The following SH2D2A variants were observed in gnomAD, a reference collection of about 807,000 sequenced individuals.
SH2D2A encodes the protein SH2 domain-containing protein 2A.
A neutral mutation model predicts 43.6 loss-of-function variants in SH2D2A; 33 were observed. That is an observed-to-expected ratio of 0.76 (90% CI 0.57 to 1.01). The LOEUF is 1.01. SH2D2A is among the 50% of genes least tolerant of loss of function. The pLI, the probability that SH2D2A is intolerant of heterozygous loss-of-function variation, is 0.00. For synonymous variants in SH2D2A, 212 were observed against 206.1 expected, an observed-to-expected ratio of 1.03 and a Z score of -0.25; for missense variants, 491 against 503.1, an observed-to-expected ratio of 0.98 and a Z score of 0.23.
At chr1:156,816,601 A>T in intron 1 of SH2D2A, 74 bp downstream of exon 1, 1 of 1,497,116 alleles carries the variant, frequency 6.7e-7, no homozygotes, top group African/African-American at 1.4e-5. Context: ...TGGGAGCTCA[A>T]GCCCAGGAGG....
Position 156,807,241 on chromosome 1 carries a change from A to G in SH2D2A, c.1107T>C (p.Asn369=). 7 of 1,158,164 alleles carry G rather than the reference A, an allele frequency of 6.0e-6. No individual in the cohort carries two copies. Among genetic ancestry groups the G allele is most frequent in the Non-Finnish European group, 8.1e-6 (7 of 859,552 alleles). The allele number at this position is 1,158,164 out of a possible 1,614,324, so 71.7% of individuals were successfully genotyped here. ...TGTCCTGAAGCACCTGTCTAGAAAG[A>G]TTGTGGGGGAGGGTGTGTCTCCAGG... ...PPAWRHTLPH[N]LSRQVLQDRG... The change falls in exon 8 of 9, where the codon AAT becomes AAC. Residue 369 remains asparagine (N), a synonymous_variant. Coordinates refer to ENST00000368199, the MANE Select transcript of SH2D2A (RefSeq NM_003975.4). The surrounding 1 kb of genome is among the most constrained non-coding windows in gnomAD (Gnocchi z 5.1).
In SH2D2A at chr1:156,807,695, G is replaced by C. The variant is rs1653068822; in HGVS notation, c.1003-350C>G. 6.6e-6 allele frequency among the ~76,000 whole-genome samples: 1 copy of C among 152,260 alleles called. No individual in the cohort carries two copies. The highest frequency in any genetic ancestry group is 1.5e-5 in the Non-Finnish European group (1 of 68,050). On this transcript the variant is annotated intron_variant, in intron 7 of 8. Coordinates refer to ENST00000368199, the MANE Select transcript of SH2D2A (RefSeq NM_003975.4). This position sits in a 1 kb window ranked among gnomAD's most constrained non-coding sequence, Gnocchi z 5.1. ...AGGGGGTGGCCTCTGAGAAGGGAAAGCTGGTCTTGAAGGATGATTAGAAAG... is the reference window on the plus strand; with the variant it reads ...AGGGGGTGGCCTCTGAGAAGGGAAACCTGGTCTTGAAGGATGATTAGAAAG...
intron 5 of SH2D2A, among the ~76,000 whole-genome samples, chr1:156,813,391 G>A (rs1653559770): frequency 6.6e-6 from 1 of 152,164 alleles, no homozygotes; most frequent in Admixed American, 6.5e-5. Flanking sequence ...AGCATTCGAG[G>A]CCTTAGGGAT....
intron 5 of SH2D2A, among the ~76,000 whole-genome samples, chr1:156,811,341 C>T (rs889916547): frequency 2.0e-5 from 3 of 152,200 alleles, no homozygotes; most frequent in African/African-American, 4.8e-5. Context: ...CTCCAGTCTT[C>T]GAGCAGAGCA....
intron 3 of SH2D2A, chr1:156,814,505 A>T: frequency 5.6e-6 from 5 of 891,770 alleles, no homozygotes; most frequent in Non-Finnish European, 8.2e-6. Context: ...GGTCCCATTC[A>T]GGAGACCCCC....
chr1:156,808,357 C>T (rs981064520), intron 7 of SH2D2A, among the ~76,000 whole-genome samples: 3 of 152,004 alleles, frequency 2.0e-5, no homozygotes, highest in Non-Finnish European at 2.9e-5. Flanking sequence ...CGCTGTTGGC[C>T]GTGTTGAGTT....
Position 156,807,777 on chromosome 1 carries a change from C to T in SH2D2A, c.1003-432G>A, listed in dbSNP as rs939470706. Among the ~76,000 whole-genome samples the T allele has an allele frequency of 7.9e-5, 12 of 152,090 alleles. No homozygotes were observed. Among genetic ancestry groups the T allele is most frequent in the African/African-American group, 1.9e-4 (8 of 41,402 alleles). ...AAGTTGCTATAGGCAGAGATACTGGCGGGTGCAAACCCCAGGAGGCTTGAA... is the reference window on the plus strand; with the variant it reads ...AAGTTGCTATAGGCAGAGATACTGGTGGGTGCAAACCCCAGGAGGCTTGAA... On this transcript the variant is annotated intron_variant, in intron 7 of 8. Coordinates refer to ENST00000368199, the MANE Select transcript of SH2D2A (RefSeq NM_003975.4). This position sits in a 1 kb window ranked among gnomAD's most constrained non-coding sequence, Gnocchi z 5.1.
chr1:156,809,620 A>G lies in SH2D2A; in HGVS notation c.714+41T>C. The stretch of plus-strand genomic sequence containing the variant: ...CTCCCCGCTGCCTGCACCCCCTCGC[A>G]GGCCTGTCCTCCCACTCCCTCAGCC... On this transcript the variant is annotated intron_variant, in intron 6 of 8. Coordinates refer to ENST00000368199, the MANE Select transcript of SH2D2A (RefSeq NM_003975.4). The surrounding 1 kb of genome is among the most constrained non-coding windows in gnomAD (Gnocchi z 4.8). 1 of 1,581,158 alleles carries G rather than the reference A, an allele frequency of 6.3e-7. No individual in the cohort carries two copies. Among genetic ancestry groups the G allele is most frequent in the Non-Finnish European group, 8.6e-7 (1 of 1,164,906 alleles).
rs1388302436 is a variant in SH2D2A at position 156,806,396 on chromosome 1, G to A, written c.*181C>T. Reference sequence around the variant, plus strand: ...AAGGCTCAGAGGGCCAAGGAAATTAGACTCCAGGAGGAGAAACCAGGACAG... The same window carrying A: ...AAGGCTCAGAGGGCCAAGGAAATTAAACTCCAGGAGGAGAAACCAGGACAG... On this transcript the variant is annotated 3_prime_UTR_variant, in exon 9 of 9. Transcript: ENST00000368199. 6.6e-6 allele frequency: 1 copy of A among 152,428 alleles called. No individual in the cohort carries two copies. The highest frequency in any genetic ancestry group is 1.5e-5 in the Non-Finnish European group (1 of 68,196). 9.4% of individuals were successfully genotyped at this position (152,428 alleles called of 1,614,324 possible).
In SH2D2A at chr1:156,814,188, G is replaced by C; in HGVS notation, c.398+17C>G. 1.2e-6 allele frequency: 2 copies of C among 1,612,430 alleles called. No individual in the cohort carries two copies. The highest frequency in any genetic ancestry group is 1.7e-6 in the Non-Finnish European group (2 of 1,179,616). The stretch of plus-strand genomic sequence containing the variant: ...AGCCCCGCCTTGTGTCGCCCGGCGC[G>C]GGGCCTCGCCCCTCACCTGTAAGTC... On this transcript the variant is annotated intron_variant, in intron 4 of 8. Transcript: ENST00000368199.
intron 4 of SH2D2A, 80 bp downstream of exon 4, chr1:156,814,125 G>C: frequency 6.4e-7 from 1 of 1,572,292 alleles, no homozygotes; most frequent in Non-Finnish European, 8.6e-7. Flanking sequence ...TAAGAGCCCG[G>C]CTCCTCACGG....
In SH2D2A at chr1:156,809,008, T is replaced by C. The variant is rs1471236339; in HGVS notation, c.1002+195A>G. ...GACAAAGATGAGGTCTGAGCGACTC[T>C]GGGGAGAAGAGGGGGCAGCCTCTGG... On this transcript the variant is annotated intron_variant, in intron 7 of 8. Transcript: ENST00000368199. The surrounding 1 kb of genome is among the most constrained non-coding windows in gnomAD (Gnocchi z 4.8). Among the ~76,000 whole-genome samples, 4 of 152,076 alleles carry C rather than the reference T, an allele frequency of 2.6e-5. No homozygotes were observed. The highest frequency in any genetic ancestry group is 2.0e-4 in the Admixed American group (3 of 15,284).
intron 2 of SH2D2A, chr1:156,815,512 G>C (rs1653816331): frequency 3.4e-6 from 2 of 595,156 alleles, no homozygotes; most frequent in African/African-American, 3.7e-5. Flanking sequence ...AGGCAGCACA[G>C]CCTTCCAGAT....
chr1:156,810,714 G>A (rs1204236802), intron 5 of SH2D2A, among the ~76,000 whole-genome samples: 2 of 152,140 alleles, frequency 1.3e-5, no homozygotes, highest in Admixed American at 1.3e-4. Flanking sequence ...TAGAGATGGA[G>A]TTTTGCCACG....
In SH2D2A at chr1:156,809,085, C is replaced by T; in HGVS notation, c.1002+118G>A. The T allele has an allele frequency of 1.9e-6, 2 of 1,069,054 alleles. No homozygotes were observed. The highest frequency in any genetic ancestry group is 1.6e-5 in the South Asian group (1 of 63,356). 66.2% of individuals were successfully genotyped at this position (1,069,054 alleles called of 1,614,324 possible). A position where few individuals can be genotyped will look rare whatever the true frequency, so the allele number is the denominator to read the frequency against. The stretch of plus-strand genomic sequence containing the variant: ...GATCATTCTGTTCTTCCCACATCAC[C>T]TCACACCTCTGCCCCTTACCCTGCC... On this transcript the variant is annotated intron_variant, in intron 7 of 8. Transcript: ENST00000368199. The surrounding 1 kb of genome is among the most constrained non-coding windows in gnomAD (Gnocchi z 4.8).
At chr1:156,813,532 C>G (rs1461432819) in intron 5 of SH2D2A, among the ~76,000 whole-genome samples, 1 of 152,088 alleles carries the variant, frequency 6.6e-6, no homozygotes, top group African/African-American at 2.4e-5. Flanking sequence ...CGCGACAGAG[C>G]GAGACTCTGT....
At position 156,814,025 on chromosome 1, in the gene SH2D2A, C is replaced by A; in HGVS notation, c.399-9G>T. ...GGCAGCAAGTCCGGCTCCTGGAGGG[C>A]GCCGTTAGGGATCAGACTATCTCCC... On this transcript the variant is annotated splice_polypyrimidine_tract_variant and intron_variant, in intron 4 of 8. Coordinates refer to ENST00000368199, the MANE Select transcript of SH2D2A (RefSeq NM_003975.4). 1 of 1,500,574 alleles carries A rather than the reference C, an allele frequency of 6.7e-7. No individual in the cohort carries two copies. The highest frequency in any genetic ancestry group is 1.3e-5 in the South Asian group (1 of 79,346). 93.0% of individuals were successfully genotyped at this position (1,500,574 alleles called of 1,614,324 possible). A position where few individuals can be genotyped will look rare whatever the true frequency, so the allele number is the denominator to read the frequency against.
intron 2 of SH2D2A, 27 bp from the exon 3 acceptor site, chr1:156,815,248 G>T (rs1483397168): frequency 6.9e-7 from 1 of 1,445,734 alleles, no homozygotes; most frequent in Admixed American, 2.6e-5. Flanking sequence ...TTCAAGGAGG[G>T]GGAAGCAGCA....
rs986136491 is a variant in SH2D2A at position 156,816,061 on chromosome 1, G to A, written c.68C>T (p.Thr23Ile). 1.2e-5 allele frequency: 20 copies of A among 1,613,986 alleles called. No individual in the cohort carries two copies. Among genetic ancestry groups the A allele is most frequent in the Non-Finnish European group, 1.7e-5 (20 of 1,179,964 alleles). The change falls in exon 2 of 9, where the codon ACC becomes ATC. Residue 23 changes from threonine (T) to isoleucine (I), a missense_variant. By Grantham distance (89) the Thr-to-Ile change is moderately conservative. Transcript: ENST00000368199. ...GCGGGTCATGTCTGTGATCTGGAAG[G>A]TGCTGAAGGTTGGGATGGGGGCTTC... ...SHEAPIPTFS[T>I]FQITDMTRRS...
Sources: allele counts gnomAD v4.1 joint callset (sites outside exome capture counted in the v4.1 genomes callset), GRCh38; gene constraint gnomAD v4.1.1; non-coding constraint Gnocchi (gnomAD v3.1); transcripts MANE v1.5; gene names NCBI Gene and HGNC (gene_info 2026-07-23, HGNC 2026-07-21).